Variants in OTOGL observed in about 807,000 individuals in gnomAD.
OTOGL encodes otogelin like, also known as otogelin-like protein.
Under a neutral mutation model 318.5 loss-of-function variants are expected in OTOGL, and 285 were observed. The observed-to-expected ratio is 0.89, with a 90% CI of 0.81 to 0.99. The LOEUF is 0.99. Among genes scored for constraint, OTOGL ranks in the 50% least tolerant of loss-of-function variants. OTOGL has a pLI of 0.00. For missense variants in OTOGL, 2,899 were observed against 2,845.6 expected (o/e 1.02, Z -0.43); for synonymous variants, 987 against 936.5 (o/e 1.05, Z -0.99).
chr12:80,212,146 T>A (rs907424684), intron 4 of OTOGL, 149 bp downstream of exon 4: 2 of 749,738 alleles, frequency 2.7e-6, no homozygotes, highest in Non-Finnish European at 4.2e-6. Flanking sequence ...AAGTAACCTC[T>A]ATTGCTTTTC....
At chr12:80,313,979 T>G (rs1385666680) in intron 31 of OTOGL, among the ~76,000 whole-genome samples, 1 of 152,138 alleles carries the variant, frequency 6.6e-6, no homozygotes, top group Non-Finnish European at 1.5e-5. Context: ...AAAAATCACC[T>G]TGAATTTGCT....
intron 16 of OTOGL, 119 bp downstream of exon 16, chr12:80,255,304 A>G: frequency 2.0e-6 from 2 of 1,006,620 alleles, no homozygotes; most frequent in Non-Finnish European, 2.6e-6. Context: ...CACTAAGATG[A>G]CATTGATTAT....
chr12:80,228,928 ATG>A (rs1879119019), intron 7 of OTOGL, among the ~76,000 whole-genome samples: 1 of 152,148 alleles, frequency 6.6e-6, no homozygotes, highest in African/African-American at 2.4e-5. Flanking sequence ...CGGATGACAA[ATG>A]TGCTTCTTTG....
At position 80,355,224 on chromosome 12, in the gene OTOGL, C is replaced by CTTTCTTTTTTTTTTTTTTTTTTT. The variant is rs1889799791; in HGVS notation, c.5594-509_5594-508insCTTTTTTTTTTTTTTTTTTTTTT. Among the ~76,000 whole-genome samples, 3 of 65,600 alleles carry CTTTCTTTTTTTTTTTTTTTTTTT rather than the reference C, an allele frequency of 4.6e-5. 1 individual carries two copies. The highest frequency in any genetic ancestry group is 1.2e-4 in the African/African-American group (2 of 16,554). 43.0% of individuals were successfully genotyped at this position (65,600 alleles called of 152,430 possible). ...ACTTTTTTCTTTTCTTTCTTTCTTT[C>CTTTCTTTTTTTTTTTTTTTTTTT]TTTTCTTTTTTTTTTTTTTTTTTTG... is the stretch of plus-strand genomic sequence containing the variant. On this transcript the variant is annotated intron_variant, in intron 46 of 58. Coordinates refer to ENST00000547103, the MANE Select transcript of OTOGL (RefSeq NM_001378609.3).
chr12:80,151,235 G>C (rs748844633), intron 1 of OTOGL, among the ~76,000 whole-genome samples: 2 of 152,156 alleles, frequency 1.3e-5, no homozygotes, highest in Non-Finnish European at 2.9e-5. Flanking sequence ...GGAATAATAA[G>C]ATTTAGGATA....
chr12:80,249,699 C>G (rs191380235), intron 11 of OTOGL, among the ~76,000 whole-genome samples: 3 of 152,074 alleles, frequency 2.0e-5, no homozygotes, highest in East Asian at 1.9e-4. Context: ...CCACCCAGTT[C>G]GAGCTTCCCG....
Position 80,148,237 on chromosome 12 carries a change from A to G in OTOGL, c.-20+48632A>G, listed in dbSNP as rs1362557755. Reference sequence around the variant, plus strand: ...TAGTGCTTCCTTCAGGAGCTCTTGTAGGGCAGGTCCGGTGGTGACAAAATC... The same window carrying G: ...TAGTGCTTCCTTCAGGAGCTCTTGTGGGGCAGGTCCGGTGGTGACAAAATC... On this transcript the variant is annotated intron_variant, in intron 1 of 58. Transcript: ENST00000547103. Among the ~76,000 whole-genome samples, 13 of 146,784 alleles carry G rather than the reference A, an allele frequency of 8.9e-5. No homozygotes were observed. The Admixed American group carries it at 8.9e-4, about 10-fold the overall frequency.
At chr12:80,145,041 A>G (rs1402613216) in intron 1 of OTOGL, among the ~76,000 whole-genome samples, 9 of 151,374 alleles carry the variant, frequency 5.9e-5, no homozygotes, top group South Asian at 4.2e-4. Flanking sequence ...CTTTTGCTGT[A>G]CAGAAGCTCT....
intron 1 of OTOGL, among the ~76,000 whole-genome samples, chr12:80,186,604 G>A (rs1399265980): frequency 1.3e-5 from 2 of 152,002 alleles, no homozygotes; most frequent in Non-Finnish European, 2.9e-5. Flanking sequence ...GGACCCTCAC[G>A]ATCTCATCCA....
intron 46 of OTOGL, among the ~76,000 whole-genome samples, chr12:80,355,224 CTTTTCTTTTTTTT>C (rs1889803969): frequency 2.6e-4 from 17 of 65,630 alleles, no homozygotes; most frequent in Admixed American, 1.2e-3. Context: ...TTCTTTCTTT[CTTTTCTTTTTTTT>C]TTTTTTTTTT....
At chr12:80,149,341 G>A (rs1225067394) in intron 1 of OTOGL, among the ~76,000 whole-genome samples, 1 of 152,024 alleles carries the variant, frequency 6.6e-6, no homozygotes, top group East Asian at 1.9e-4. Flanking sequence ...CCCCTGCTGG[G>A]GGGTGCCTCC....
At chr12:80,209,579 A>T (rs557844680) in intron 2 of OTOGL, 69 bp downstream of exon 2, 7 of 1,091,560 alleles carry the variant, frequency 6.4e-6, no homozygotes, top group Admixed American at 4.5e-5. Context: ...TTATACAAAT[A>T]GTTTTCCCTT....
At chr12:80,154,036 C>T (rs1302337848) in intron 1 of OTOGL, among the ~76,000 whole-genome samples, 1 of 152,198 alleles carries the variant, frequency 6.6e-6, no homozygotes, top group African/African-American at 2.4e-5. Flanking sequence ...AAGCTGGACA[C>T]AGTGGCTCAT....
chr12:80,106,666 C>T (rs1000795682), intron 1 of OTOGL, among the ~76,000 whole-genome samples: 3 of 152,116 alleles, frequency 2.0e-5, no homozygotes, highest in African/African-American at 7.2e-5. Context: ...CTTTGCCTTA[C>T]TAGTACTCGT....
At chr12:80,256,717 T>C (rs757677911) in intron 17 of OTOGL, among the ~76,000 whole-genome samples, 20 of 152,026 alleles carry the variant, frequency 1.3e-4, no homozygotes, top group Non-Finnish European at 2.2e-4. Flanking sequence ...CAATAAAATG[T>C]GATAGACTCA....
chr12:80,366,298 C>T (rs1261205366), intron 52 of OTOGL: 1 of 452,134 alleles, frequency 2.2e-6, no homozygotes, highest in Admixed American at 2.4e-5. Context: ...CATCAGAACC[C>T]TAGGCTGCCT....
chr12:80,144,221 A>G (rs1872168147), intron 1 of OTOGL, among the ~76,000 whole-genome samples: 1 of 151,358 alleles, frequency 6.6e-6, no homozygotes, highest in Admixed American at 6.6e-5. Context: ...CCCACCCCAC[A>G]ACAGTCCCCA....
intron 1 of OTOGL, among the ~76,000 whole-genome samples, chr12:80,146,932 A>G (rs1021280709): frequency 1.3e-5 from 2 of 151,790 alleles, no homozygotes; most frequent in African/African-American, 2.4e-5. Context: ...TATTGTATCT[A>G]TTTGATTCTT....
chr12:80,352,164 G>A lies in OTOGL; in HGVS notation c.5266-131G>A. 13 of 804,358 alleles carry A rather than the reference G, an allele frequency of 1.6e-5. 1 individual carries two copies. The South Asian group carries it at 2.9e-4, about 18-fold the overall frequency. The allele number at this position is 804,358 out of a possible 1,614,324, so 49.8% of individuals were successfully genotyped here. On this transcript the variant is annotated intron_variant, in intron 44 of 58. Transcript: ENST00000547103. The stretch of plus-strand genomic sequence containing the variant: ...TTTAATATTAAGAATTTTTGAAAAT[G>A]TAAAGTCTATGATGAAGTATAATGA...
Sources: gnomAD v4.1 joint callset for allele counts (sites outside exome capture counted in the v4.1 genomes callset) on GRCh38, gnomAD v4.1.1 for gene constraint, MANE v1.5 for transcripts, NCBI Gene and HGNC (gene_info 2026-07-23, HGNC 2026-07-21) for gene names.